The following SOX6 variants were observed in gnomAD, a reference collection of about 807,000 sequenced individuals.
SOX6 encodes the protein transcription factor SOX-6.
In SOX6, 11 loss-of-function variants were observed where a neutral mutation model predicts 97.8. The observed-to-expected ratio is 0.11, with a 90% CI of 0.07 to 0.19. The LOEUF (loss-of-function observed/expected upper bound fraction) is 0.19. SOX6 is among the 10% of genes least tolerant of loss of function. The pLI is 1.00. For missense variants in SOX6, 810 were observed against 1,039.5 expected, an observed-to-expected ratio of 0.78 and a Z score of 3.04; for synonymous variants, 360 against 371.4, an observed-to-expected ratio of 0.97 and a Z score of 0.35.
intron 3 of SOX6, among the ~76,000 whole-genome samples, chr11:16,707,337 A>T (rs1848145482): frequency 1.4e-5 from 2 of 139,206 alleles, no homozygotes; most frequent in African/African-American, 2.8e-5. Flanking sequence ...GAGGAATGTT[A>T]AAAAAAAAAA....
At chr11:16,183,236 C>A (rs1851389266) in intron 6 of SOX6, among the ~76,000 whole-genome samples, 1 of 151,918 alleles carries the variant, frequency 6.6e-6, no homozygotes, top group Non-Finnish European at 1.5e-5. Flanking sequence ...GAAATCAGAC[C>A]ATCACCTTTC....
chr11:16,436,309 T>G (rs1368917367), intron 1 of SOX6, among the ~76,000 whole-genome samples: 3 of 152,174 alleles, frequency 2.0e-5, no homozygotes, highest in Non-Finnish European at 4.4e-5. Context: ...CTCTATTCTT[T>G]CATTGCTCTT....
chr11:15,986,558 C>G, intron 14 of SOX6, 138 bp from the exon 15 acceptor site: 1 of 755,282 alleles, frequency 1.3e-6, no homozygotes, highest in South Asian at 1.5e-5. Context: ...CTGGCTGTCC[C>G]AACTATACTT....
chr11:16,261,454 A>C (rs1052713974), intron 3 of SOX6, among the ~76,000 whole-genome samples: 1 of 152,152 alleles, frequency 6.6e-6, no homozygotes, highest in Non-Finnish European at 1.5e-5. Context: ...GGCTATGCTT[A>C]GAGCACCACA....
chr11:16,646,477 T>C lies in SOX6; in HGVS notation n.430-34217A>G, dbSNP rs371468577. On this transcript the variant is annotated intron_variant and non_coding_transcript_variant, in intron 3 of 5. Coordinates refer to the SOX6 transcript ENST00000524520. ...AAGTTTTTTTATTTTCTTTGTTTTTTTTTTTTATTTCCATAGGTTTTTGGG... is the reference window on the plus strand; with the variant it reads ...AAGTTTTTTTATTTTCTTTGTTTTTCTTTTTTATTTCCATAGGTTTTTGGG... Among the ~76,000 whole-genome samples, 15 of 152,190 alleles carry C rather than the reference T, an allele frequency of 9.9e-5. No homozygotes were observed. In the East Asian group the frequency reaches 2.9e-3, roughly 29 times the overall value.
At chr11:16,648,547 C>G (rs1849047571) in intron 3 of SOX6, among the ~76,000 whole-genome samples, 1 of 152,196 alleles carries the variant, frequency 6.6e-6, no homozygotes, top group Non-Finnish European at 1.5e-5. Context: ...TTGAAACTGC[C>G]ACCTTCTGGC....
At chr11:16,189,130 A>T (rs962029065) in intron 4 of SOX6, among the ~76,000 whole-genome samples, 1 of 152,204 alleles carries the variant, frequency 6.6e-6, no homozygotes, top group Non-Finnish European at 1.5e-5. Flanking sequence ...AATGTAAACT[A>T]CAACTACATA....
At chr11:16,121,934 T>G (rs185924436) in intron 6 of SOX6, among the ~76,000 whole-genome samples, 1 of 152,016 alleles carries the variant, frequency 6.6e-6, no homozygotes, top group African/African-American at 2.4e-5. Context: ...TAAATATTAT[T>G]GTTAAGGTCT....
At chr11:16,292,653 T>C (rs1854950312) in intron 3 of SOX6, among the ~76,000 whole-genome samples, 2 of 152,156 alleles carry the variant, frequency 1.3e-5, no homozygotes, top group Admixed American at 1.3e-4. Context: ...TGTCCAAGCC[T>C]GCGGTGCTGG....
At chr11:16,391,819 C>T (rs534062703) in intron 1 of SOX6, among the ~76,000 whole-genome samples, 1 of 152,016 alleles carries the variant, frequency 6.6e-6, no homozygotes, top group South Asian at 2.1e-4. Context: ...GTGCTAGGTG[C>T]CTTTATCTTT....
intron 4 of SOX6, among the ~76,000 whole-genome samples, chr11:16,219,295 C>T (rs1039839592): frequency 2.0e-5 from 3 of 151,972 alleles, no homozygotes; most frequent in South Asian, 2.1e-4. Flanking sequence ...GCAATTGGCT[C>T]AGCGTTTTTA....
intron 6 of SOX6, among the ~76,000 whole-genome samples, chr11:16,128,049 T>C (rs1327252575): frequency 1.3e-5 from 2 of 152,190 alleles, no homozygotes; most frequent in Non-Finnish European, 2.9e-5. Flanking sequence ...TTTAATGTCC[T>C]ATATCCCTTG....
At chr11:16,410,777 A>AG (rs1858791488) in intron 1 of SOX6, among the ~76,000 whole-genome samples, 2 of 151,428 alleles carry the variant, frequency 1.3e-5, no homozygotes, top group Non-Finnish European at 2.9e-5. Context: ...AAAAAAAAAA[A>AG]AAGATATGAA....
rs910095660 is a variant in SOX6 at position 16,503,507 on chromosome 11, A to C, written n.610-27119T>G. 2.0e-5 allele frequency among the ~76,000 whole-genome samples: 3 copies of C among 152,214 alleles called. No individual in the cohort carries two copies. The East Asian group carries it at 5.8e-4, about 29-fold the overall frequency. ...TAAAAATATATAGACTGGTTGAATG[A>C]ATACAAAATATAGCCCAAGTATATG... On this transcript the variant is annotated intron_variant and non_coding_transcript_variant, in intron 4 of 5. Transcript: ENST00000524520.
At chr11:16,187,010 A>C (rs1272728891) in intron 4 of SOX6, 55 bp from the exon 5 acceptor site, 3 of 1,586,934 alleles carry the variant, frequency 1.9e-6, no homozygotes, top group East Asian at 4.5e-5. Context: ...TGGACGAATA[A>C]GGGAAAGGAG....
chr11:16,417,220 C>A (rs1858942652), intron 1 of SOX6, among the ~76,000 whole-genome samples: 1 of 152,142 alleles, frequency 6.6e-6, no homozygotes, highest in African/African-American at 2.4e-5. Flanking sequence ...AACACATTTA[C>A]TTTGGGTTCC....
At chr11:16,030,795 C>A (rs756945269) in intron 12 of SOX6, among the ~76,000 whole-genome samples, 3 of 152,034 alleles carry the variant, frequency 2.0e-5, no homozygotes, top group Admixed American at 6.6e-5. Flanking sequence ...CACCACCACC[C>A]ACAAAGATGA....
intron 4 of SOX6, among the ~76,000 whole-genome samples, chr11:16,216,525 C>T (rs950034146): frequency 1.3e-5 from 2 of 151,878 alleles, no homozygotes; most frequent in Non-Finnish European, 2.9e-5. Context: ...TTTTGTGGTC[C>T]TACTTCCAGT....
chr11:16,114,972 C>T (rs992780181), intron 6 of SOX6, among the ~76,000 whole-genome samples: 4 of 152,120 alleles, frequency 2.6e-5, no homozygotes, highest in South Asian at 2.1e-4. Context: ...CTCTCGGGTT[C>T]ATTTTTAATG....
Sources: allele counts gnomAD v4.1 joint callset (sites outside exome capture counted in the v4.1 genomes callset), GRCh38; gene constraint gnomAD v4.1.1; transcripts MANE v1.5; gene names NCBI Gene and HGNC (gene_info 2026-07-23, HGNC 2026-07-21).